The following LRRC45 variants were observed in gnomAD, a reference collection of about 807,000 sequenced individuals.
LRRC45 encodes leucine-rich repeat-containing protein 45.
Under a neutral mutation model 85.4 loss-of-function variants are expected in LRRC45, and 73 were observed. The ratio of observed to expected loss-of-function variants is 0.85; its 90% CI spans 0.71 to 1.04. The LOEUF (loss-of-function observed/expected upper bound fraction) is 1.04. Among genes scored for constraint, LRRC45 ranks in the 50% least tolerant of loss-of-function variants. The pLI is 0.00. For missense variants in LRRC45, 937 were observed against 883.3 expected, an observed-to-expected ratio of 1.06 and a Z score of -0.77; for synonymous variants, 429 against 386.0, an observed-to-expected ratio of 1.11 and a Z score of -1.31.
At chr17:82,027,502 A>G (rs2043378983) in intron 7 of LRRC45, 58 bp downstream of exon 7, 4 of 1,607,436 alleles carry the variant, frequency 2.5e-6, no homozygotes, top group Non-Finnish European at 3.4e-6. Flanking sequence ...CCTGGCTCAG[A>G]CTCAGATGGG....
At chr17:82,027,580 A>T (rs1000218612) in intron 7 of LRRC45, 94 bp from the exon 8 acceptor site, 1 of 1,537,314 alleles carries the variant, frequency 6.5e-7, no homozygotes, top group South Asian at 1.1e-5. Context: ...GCGACCATAG[A>T]TGCTTAAGGA....
Position 82,030,257 on chromosome 17 carries a change from G to C in LRRC45, c.1668+19G>C. The C allele has an allele frequency of 6.5e-7, 1 of 1,534,354 alleles. No homozygotes were observed. The highest frequency in any genetic ancestry group is 8.8e-7 in the Non-Finnish European group (1 of 1,136,158). ...GCAGCAGGTAGGCGGGGCTCCGGTG[G>C]GGGGCCCCGGGCGTGCTAGCCCCCA... On this transcript the variant is annotated intron_variant, in intron 15 of 16. Transcript: ENST00000306688.
At chr17:82,027,829 G>C in intron 8 of LRRC45, 78 bp downstream of exon 8, 1 of 1,554,280 alleles carries the variant, frequency 6.4e-7, no homozygotes, top group Non-Finnish European at 8.8e-7. Flanking sequence ...CTGTGTGCAA[G>C]TCCTGTTTGC....
In LRRC45 at chr17:82,028,295, T is replaced by G; in HGVS notation, c.1109T>G (p.Leu370Arg). 1 of 1,590,568 alleles carries G rather than the reference T, an allele frequency of 6.3e-7. No individual in the cohort carries two copies. The highest frequency in any genetic ancestry group is 1.3e-5 in the African/African-American group (1 of 74,894). Reference sequence around the variant, plus strand: ...TTGTCTGCTGCCAATGAAAAGAACCTGCTTCTGCAAAACCAGGTAGCTGTG... The same window carrying G: ...TTGTCTGCTGCCAATGAAAAGAACCGGCTTCTGCAAAACCAGGTAGCTGTG... ...RDLSAANEKN[L>R]LLQNQVDELE... is the part of the protein sequence containing the mutation. Residue 370 changes from leucine to arginine, a missense_variant, in exon 10 of 17, where the codon CTG (leucine) becomes CGG (arginine). Leu to Arg is a moderately radical substitution (Grantham distance 102). Coordinates refer to ENST00000306688, the MANE Select transcript of LRRC45 (RefSeq NM_144999.4).
Position 82,030,956 on chromosome 17 carries a change from CG to C in LRRC45, c.*156del. 1.8e-6 allele frequency: 1 copy of C among 551,620 alleles called. No individual in the cohort carries two copies. The highest frequency in any genetic ancestry group is 2.7e-6 in the Non-Finnish European group (1 of 364,148). 34.2% of individuals were successfully genotyped at this position (551,620 alleles called of 1,614,324 possible). On this transcript the variant is annotated 3_prime_UTR_variant, in exon 17 of 17. Transcript: ENST00000306688. Reference sequence around the variant, plus strand: ...GCGACTGTTGGTGGTGTCGCGGCTGCGGGGGAACCCCGTGGGAGGCGCCTGG... The same window carrying C: ...GCGACTGTTGGTGGTGTCGCGGCTGCGGGGAACCCCGTGGGAGGCGCCTGG...
rs2043393383 is a variant in LRRC45, at chr17:82,029,096, G to C, written c.1312G>C (p.Glu438Gln). ...CACAATCCCTGCCCCTGAGCAGGTG[G>C]AGCATATGACCCGTCACCTGGAGGA... ...DSESLRIKEV[E>Q]HMTRHLEESE... Residue 438 changes from glutamate to glutamine, a missense_variant, in exon 13 of 17, where the codon GAG becomes CAG. By Grantham distance (29) the Glu-to-Gln change is conservative (BLOSUM62 2). Transcript: ENST00000306688. 6.2e-7 allele frequency: 1 copy of C among 1,612,232 alleles called. No homozygotes were observed. Among genetic ancestry groups the C allele is most frequent in the South Asian group, 1.1e-5 (1 of 90,884 alleles).
chr17:82,024,512 T>C (rs559861935), intron 2 of LRRC45, among the ~76,000 whole-genome samples, 173 bp downstream of exon 2: 1 of 151,604 alleles, frequency 6.6e-6, no homozygotes, highest in African/African-American at 2.4e-5. Context: ...AGAGCAAGAG[T>C]TCACATTGGC....
At position 82,024,710 on chromosome 17, in the gene LRRC45, T is replaced by G. The variant is rs764434784; in HGVS notation, c.300T>G (p.Ala100=). ...FLDLKGNNLR[A]AGAEALGKLL... ...TCTCCTAGGGCAACAACCTTCGGGC[T>G]GCAGGGGCCGAGGCTCTGGGAAAAC... The change falls in exon 3 of 17, where the codon GCT becomes GCG. Residue 100 remains alanine (A), a synonymous_variant. Coordinates refer to ENST00000306688, the MANE Select transcript of LRRC45 (RefSeq NM_144999.4). The G allele has an allele frequency of 1.3e-6, 2 of 1,574,734 alleles. No homozygotes were observed. The highest frequency in any genetic ancestry group is 2.7e-5 in the African/African-American group (2 of 72,902).
rs754724234 is a variant in LRRC45, at chr17:82,025,401, C to T, written c.555C>T (p.Gly185=). ...QQLDLRWNNV[G]LLGGRALMNC... ...CAGACCTGCGCTGGAATAACGTTGG[C>T]CTCCTGGGGGGCCGGGCCCTCATGA... Residue 185 remains glycine, a synonymous_variant, in exon 5 of 17, where the codon GGC becomes GGT. Coordinates refer to ENST00000306688, the MANE Select transcript of LRRC45 (RefSeq NM_144999.4). 4.4e-6 allele frequency: 7 copies of T among 1,593,718 alleles called. No individual in the cohort carries two copies. The East Asian group carries it at 6.7e-5, about 15-fold the overall frequency.
intron 12 of LRRC45, 130 bp from the exon 13 acceptor site, chr17:82,028,963 C>T: frequency 1.2e-6 from 1 of 857,676 alleles, no homozygotes; most frequent in Non-Finnish European, 1.8e-6. Context: ...GCTAGGCCAT[C>T]TGAGGCAGTG....
At chr17:82,030,012 A>AGCTGAGCTCAG (rs1380324673) in intron 14 of LRRC45, 53 bp from the exon 15 acceptor site, 6 of 1,480,422 alleles carry the variant, frequency 4.1e-6, no homozygotes, top group Non-Finnish European at 5.4e-6. Flanking sequence ...ACATTCCCTC[A>AGCTGAGCTCAG]GCTGAGCTCA....
In LRRC45 at chr17:82,025,118, C is replaced by A. The variant is rs780935281; in HGVS notation, c.472C>A (p.His158Asn). ...RLDLRNNQIS[H>N]KGAEELALAL... Reference sequence around the variant, plus strand: ...GGACCTCCGCAACAACCAGATCAGTCACAAGGGCGCGGAGGAGCTGGCCCT... The same window carrying A: ...GGACCTCCGCAACAACCAGATCAGTAACAAGGGCGCGGAGGAGCTGGCCCT... Residue 158 changes from histidine to asparagine, a missense_variant, in exon 4 of 17, where the codon CAC becomes AAC. Physicochemically the swap from His to Asn is moderately conservative, Grantham distance 68. Transcript: ENST00000306688. 1 of 1,611,248 alleles carries A rather than the reference C, an allele frequency of 6.2e-7. No homozygotes were observed. Among genetic ancestry groups the A allele is most frequent in the Non-Finnish European group, 8.5e-7 (1 of 1,179,224 alleles).
At chr17:82,029,265 C>A in intron 13 of LRRC45, 80 bp downstream of exon 13, 1 of 1,366,910 alleles carries the variant, frequency 7.3e-7, no homozygotes, top group Non-Finnish European at 1.0e-6. Flanking sequence ...TTCGCCGCCT[C>A]AGGACCAGAG....
chr17:82,023,621 A>C lies in LRRC45; in HGVS notation c.-23A>C, dbSNP rs2043334623. On this transcript the variant is annotated 5_prime_UTR_variant, in exon 1 of 17. Coordinates refer to ENST00000306688, the MANE Select transcript of LRRC45 (RefSeq NM_144999.4). ...CAGCAGCTGCGGGAGCATGCGGAGG[A>C]GGCCCTGCCGGCCCCGCGGGTCATG... 2.7e-6 allele frequency: 4 copies of C among 1,506,868 alleles called. No homozygotes were observed. The highest frequency in any genetic ancestry group is 3.5e-6 in the Non-Finnish European group (4 of 1,129,876). 93.3% of individuals were successfully genotyped at this position (1,506,868 alleles called of 1,614,324 possible).
Position 82,030,161 on chromosome 17 carries a change from G to A in LRRC45, c.1591G>A (p.Ala531Thr). The change falls in exon 15 of 17, where the codon GCC becomes ACC. Residue 531 changes from alanine (A) to threonine (T), a missense_variant. By Grantham distance (58) the Ala-to-Thr change is moderately conservative. Coordinates refer to ENST00000306688, the MANE Select transcript of LRRC45 (RefSeq NM_144999.4). ...GACLQQKQVV[A>T]EAQTRVSQLG... ...TTGCCTACAGCAGAAGCAGGTGGTG[G>A]CCGAGGCCCAGACCCGGGTCAGCCA... 6.5e-7 allele frequency: 1 copy of A among 1,547,002 alleles called. No individual in the cohort carries two copies. Among genetic ancestry groups the A allele is most frequent in the Non-Finnish European group, 8.7e-7 (1 of 1,145,880 alleles).
At position 82,024,229 on chromosome 17, in the gene LRRC45, C is replaced by T. The variant is rs756084582; in HGVS notation, c.221-49C>T. ...CCTGAAAAGGGGCCCACGGGGAGGG[C>T]CTTGGGGTCAGCAGGGGCAGAGAGT... On this transcript the variant is annotated intron_variant, in intron 1 of 16. Coordinates refer to ENST00000306688, the MANE Select transcript of LRRC45 (RefSeq NM_144999.4). 16 of 1,599,840 alleles carry T rather than the reference C, an allele frequency of 1.0e-5. No individual in the cohort carries two copies. The East Asian group carries it at 2.7e-4, about 27-fold the overall frequency.
chr17:82,028,070 A>T lies in LRRC45; in HGVS notation c.971A>T (p.Glu324Val), dbSNP rs1374302863. The T allele has an allele frequency of 6.3e-7, 1 of 1,599,854 alleles. No homozygotes were observed. Residue 324 changes from glutamate (E) to valine (V), a missense_variant, in exon 9 of 17, where the codon GAG becomes GTG. Coordinates refer to ENST00000306688, the MANE Select transcript of LRRC45 (RefSeq NM_144999.4). ...LSEQKAQDLG[E>V]LLATAEQEQL... ...GAGCAGAAGGCCCAGGACCTGGGGG[A>T]GCTCCTGGCCACAGCGGAGCAGGAG...
In LRRC45 at chr17:82,030,376, C is replaced by G. The variant is rs2043408058; in HGVS notation, c.1726C>G (p.Leu576Val). 6.5e-7 allele frequency: 1 copy of G among 1,549,894 alleles called. No individual in the cohort carries two copies. The highest frequency in any genetic ancestry group is 1.2e-5 in the South Asian group (1 of 84,078). The change falls in exon 16 of 17, where the codon CTG (leucine) becomes GTG (valine). Residue 576 changes from leucine to valine, a missense_variant. Physicochemically the swap from Leu to Val is conservative, Grantham distance 32 (BLOSUM62 1). Coordinates refer to ENST00000306688, the MANE Select transcript of LRRC45 (RefSeq NM_144999.4). ...VAEVSRVRVE[L>V]QEQNGRLQAE... ...CGAGGTGAGCAGGGTGCGCGTGGAG[C>G]TGCAGGAGCAGAACGGCCGGCTGCA...
chr17:82,025,428 C>T lies in LRRC45; in HGVS notation c.582C>T (p.Asn194=). The T allele has an allele frequency of 6.2e-7, 1 of 1,607,924 alleles. No individual in the cohort carries two copies. Among genetic ancestry groups the T allele is most frequent in the African/African-American group, 1.3e-5 (1 of 74,886 alleles). ...VGLLGGRALM[N]CLPSNRTLWR... is the part of the protein sequence containing the mutation. ...TCCTGGGGGGCCGGGCCCTCATGAACTGTCTCCCCAGCAACAGAACCCTGT... is the reference window on the plus strand; with the variant it reads ...TCCTGGGGGGCCGGGCCCTCATGAATTGTCTCCCCAGCAACAGAACCCTGT... The change falls in exon 5 of 17, where the codon AAC becomes AAT. Residue 194 remains asparagine (N), a synonymous_variant. Transcript: ENST00000306688.
Sources: gnomAD v4.1 joint callset for allele counts (sites outside exome capture counted in the v4.1 genomes callset) on GRCh38, gnomAD v4.1.1 for gene constraint, MANE v1.5 for transcripts, NCBI Gene and HGNC (gene_info 2026-07-23, HGNC 2026-07-21) for gene names.